Variants in PLEC observed in about 807,000 individuals in gnomAD.
PLEC encodes the protein hemidesmosomal protein 1.
In PLEC, 216 loss-of-function variants were observed where a neutral mutation model predicts 392.8. That is an observed-to-expected ratio of 0.55 (90% confidence interval 0.49 to 0.62). The LOEUF (loss-of-function observed/expected upper bound fraction) is 0.62. PLEC is among the 20% of genes least tolerant of loss of function. PLEC has a pLI of 0.00. For missense variants in PLEC, 6,863 were observed against 6,563.4 expected (o/e 1.05, Z -1.58); for synonymous variants, 3,621 against 2,980.6 (o/e 1.21, Z -7.00).
chr8:143,939,236 A>G, intron 1 of PLEC, 114 bp downstream of exon 1: 2 of 1,406,904 alleles, frequency 1.4e-6, no homozygotes, highest in South Asian at 2.5e-5. Flanking sequence ...CCCGACCCCC[A>G]TCTCCAAGAC....
In PLEC at chr8:143,946,395, C is replaced by G. The variant is rs147736777; in HGVS notation, c.523+3789G>C. 89 of 1,288,776 alleles carry G rather than the reference C, an allele frequency of 6.9e-5. No individual in the cohort carries two copies. In the African/African-American group the frequency reaches 1.3e-3, roughly 19 times the overall value. 79.8% of individuals were successfully genotyped at this position (1,288,776 alleles called of 1,614,324 possible). The stretch of plus-strand genomic sequence containing the variant: ...TCCTCCATGCTGTACCTGTCCATGG[C>G]TGCCACACAGGCCAGGCTGCTCCGA... On this transcript the variant is annotated intron_variant, in intron 1 of 31. Transcript: ENST00000322810.
At chr8:143,964,163 T>C (rs1483065981) in intron 1 of PLEC, among the ~76,000 whole-genome samples, 1 of 152,128 alleles carries the variant, frequency 6.6e-6, no homozygotes, top group Non-Finnish European at 1.5e-5. Flanking sequence ...CTTTGGGGCA[T>C]GTTGGCATAA....
Position 143,924,447 on chromosome 8 carries a change from G to A in PLEC, c.5482C>T (p.Arg1828Trp), listed in dbSNP as rs1475632975. Residue 1828 changes from arginine to tryptophan, a missense_variant, in exon 31 of 32, where the codon CGG (arginine) becomes TGG (tryptophan). Transcript: ENST00000345136. ...GCAAGCACCCGCTCCGCCTCGGCCCGCTGCCGCGCCGCGTCTTCCTCGGCC... is the reference window on the plus strand; with the variant it reads ...GCAAGCACCCGCTCCGCCTCGGCCCACTGCCGCGCCGCGTCTTCCTCGGCC... The part of the protein sequence containing the change: ...QLAEEDAARQ[R>W]AEAERVLAEK... 1.4e-5 allele frequency: 22 copies of A among 1,560,186 alleles called. No individual in the cohort carries two copies. The highest frequency in any genetic ancestry group is 1.7e-5 in the Non-Finnish European group (20 of 1,162,548).
In PLEC at chr8:143,920,755, A is replaced by G; in HGVS notation, c.9066T>C (p.Gly3022=). The G allele has an allele frequency of 1.2e-6, 2 of 1,605,388 alleles. No individual in the cohort carries two copies. Among genetic ancestry groups the G allele is most frequent in the Non-Finnish European group, 1.7e-6 (2 of 1,179,882 alleles). The change falls in exon 32 of 32, where the codon GGT becomes GGC. Residue 3022 remains glycine (G), a synonymous_variant. Transcript: ENST00000345136. The part of the protein sequence containing the change: ...EVDTVRRALR[G]ANVIAGVWLE... ...GCCATACACCCGCGATGACGTTGGCACCCCGGAGAGCCCGCCGCACAGTGT... is the reference window on the plus strand; with the variant it reads ...GCCATACACCCGCGATGACGTTGGCGCCCCGGAGAGCCCGCCGCACAGTGT...
Position 143,920,414 on chromosome 8 carries a change from G to A in PLEC, c.9407C>T (p.Ala3136Val). 6.3e-7 allele frequency: 1 copy of A among 1,594,486 alleles called. No homozygotes were observed. The highest frequency in any genetic ancestry group is 2.2e-5 in the East Asian group (1 of 44,632). ...CACGATGCCGCCCGTGGACAGCTGGGCGTCCAACAGGCGCAGGCCCTGCTC... is the reference window on the plus strand; with the variant it reads ...CACGATGCCGCCCGTGGACAGCTGGACGTCCAACAGGCGCAGGCCCTGCTC... ...PREQGLRLLDAQLSTGGIVDP... is the reference protein window; with the variant it reads ...PREQGLRLLDVQLSTGGIVDP... Residue 3136 changes from alanine to valine, a missense_variant, in exon 32 of 32, where the codon GCC becomes GTC. Physicochemically the swap from Ala to Val is moderately conservative, Grantham distance 64. Transcript: ENST00000345136.
chr8:143,950,348 T>C, exon 1 of PLEC: 6 of 1,582,544 alleles, frequency 3.8e-6, no homozygotes, highest in Non-Finnish European at 5.1e-6. Context: ...CAGGGGACCC[T>C]GCACAGCCTG....
chr8:143,927,666 T>C lies in PLEC; in HGVS notation c.3500A>G (p.His1167Arg). ...QEVGERLQQR[H>R]GERDVEVERW... ...CTCCACCTCCACGTCCCGCTCCCCG[T>C]GCCGCTGCTGCAGTCGCTCCCCCAC... Residue 1167 changes from histidine (H) to arginine (R), a missense_variant, in exon 27 of 32, where the codon CAC (histidine) becomes CGC (arginine). Coordinates refer to ENST00000345136, the MANE Select transcript of PLEC (RefSeq NM_201384.3). 1 of 1,581,194 alleles carries C rather than the reference T, an allele frequency of 6.3e-7. No individual in the cohort carries two copies. The highest frequency in any genetic ancestry group is 8.6e-7 in the Non-Finnish European group (1 of 1,164,322).
upstream of PLEC, among the ~76,000 whole-genome samples, chr8:143,951,695 T>C (rs1832163107): frequency 6.6e-6 from 1 of 152,026 alleles, no homozygotes; most frequent in African/African-American, 2.4e-5. Context: ...ACCGAGTCCC[T>C]ACCGCCCACA....
In PLEC at chr8:143,922,816, C is replaced by T. The variant is rs1225477598; in HGVS notation, c.7113G>A (p.Glu2371=). The change falls in exon 31 of 32, where the codon GAG becomes GAA. Residue 2371 remains glutamate (E), a synonymous_variant. Coordinates refer to ENST00000345136, the MANE Select transcript of PLEC (RefSeq NM_201384.3). The part of the protein sequence containing the change: ...TQGFQRTLEA[E]RQRQLEMSAE... ...CGCTCATCTCCAGCTGCCGCTGCCGCTCGGCCTCCAGCGTCCGCTGGAAGC... is the reference window on the plus strand; with the variant it reads ...CGCTCATCTCCAGCTGCCGCTGCCGTTCGGCCTCCAGCGTCCGCTGGAAGC... The T allele has an allele frequency of 3.2e-6, 5 of 1,586,768 alleles. No individual in the cohort carries two copies. The African/African-American group carries it at 5.4e-5, about 17-fold the overall frequency.
rs1384925466 is a variant in PLEC at position 143,915,383 on chromosome 8, C to G, written c.*794G>C. 6.6e-6 allele frequency: 1 copy of G among 152,636 alleles called. No individual in the cohort carries two copies. Among genetic ancestry groups the G allele is most frequent in the Non-Finnish European group, 1.5e-5 (1 of 68,348 alleles). The allele number at this position is 152,636 out of a possible 1,614,324, so 9.5% of individuals were successfully genotyped here. ...AGAGCCTGGCTGGTGTCCCTGGGCC[C>G]AAAGGGGGCTGGGGCTCCATGGGAG... On this transcript the variant is annotated 3_prime_UTR_variant, in exon 32 of 32. Transcript: ENST00000345136.
In PLEC at chr8:143,917,969, T is replaced by C; in HGVS notation, c.11852A>G (p.Gln3951Arg). ...GCGGATGATGCCCTTCTTCATGGCCTGGTACACCGAGAGCCGTTCCTTGGT... is the reference window on the plus strand; with the variant it reads ...GCGGATGATGCCCTTCTTCATGGCCCGGTACACCGAGAGCCGTTCCTTGGT... Reference protein sequence around the residue: ...DATKERLSVYQAMKKGIIRPG... With the variant: ...DATKERLSVYRAMKKGIIRPG... The change falls in exon 32 of 32, where the codon CAG becomes CGG. Residue 3951 changes from glutamine (Q) to arginine (R), a missense_variant. Transcript: ENST00000345136. 1.2e-6 allele frequency: 2 copies of C among 1,612,822 alleles called. No individual in the cohort carries two copies. The highest frequency in any genetic ancestry group is 1.6e-4 in the Middle Eastern group (1 of 6,062).
chr8:143,976,148 C>T (rs1833653866), upstream of PLEC, among the ~76,000 whole-genome samples: 4 of 152,328 alleles, frequency 2.6e-5, no homozygotes, highest in South Asian at 8.3e-4. Context: ...GCAGCGAGGC[C>T]GGGAGGGAGC....
In PLEC at chr8:143,936,029, G is replaced by A; in HGVS notation, c.436-15C>T. 1 of 1,610,346 alleles carries A rather than the reference G, an allele frequency of 6.2e-7. No homozygotes were observed. Among genetic ancestry groups the A allele is most frequent in the Non-Finnish European group, 8.5e-7 (1 of 1,179,844 alleles). Reference sequence around the variant, plus strand: ...ATATCTGAGATCTGCTCACAGCAGAGAGGAGGCCACAGCTCAGCCACAGCC... The same window carrying A: ...ATATCTGAGATCTGCTCACAGCAGAAAGGAGGCCACAGCTCAGCCACAGCC... On this transcript the variant is annotated splice_polypyrimidine_tract_variant and intron_variant, in intron 5 of 31. Transcript: ENST00000345136.
chr8:143,932,441 C>G lies in PLEC; in HGVS notation c.1936G>C (p.Asp646His), dbSNP rs371273735. 3 of 1,612,820 alleles carry G rather than the reference C, an allele frequency of 1.9e-6. No individual in the cohort carries two copies. The highest frequency in any genetic ancestry group is 1.7e-5 in the Admixed American group (1 of 60,026). The change falls in exon 16 of 32, where the codon GAC (aspartate) becomes CAC (histidine). Residue 646 changes from aspartate to histidine, a missense_variant. Transcript: ENST00000345136. ...TTGGCGGTCATGTTGGTGTTGCGGT[C>G]GCTCCAGTCGAAGCCCACCTCCTCC... ...EEEEVGFDWS[D>H]RNTNMTAKKE...
chr8:143,921,546 C>A lies in PLEC; in HGVS notation c.8275G>T (p.Val2759Leu), dbSNP rs1554686172. 1 of 1,612,586 alleles carries A rather than the reference C, an allele frequency of 6.2e-7. No homozygotes were observed. Among genetic ancestry groups the A allele is most frequent in the East Asian group, 2.2e-5 (1 of 44,886 alleles). The change falls in exon 32 of 32, where the codon GTG (valine) becomes TTG (leucine). Residue 2759 changes from valine to leucine, a missense_variant. Transcript: ENST00000345136. ...TVNEAVKEGVVGPELHHKLLS... is the reference protein window; with the variant it reads ...TVNEAVKEGVLGPELHHKLLS... ...AGCTTGTGGTGCAGCTCGGGGCCCA[C>A]CACACCCTCCTTCACAGCCTCGTTG... is the stretch of plus-strand genomic sequence containing the variant.
intron 22 of PLEC, 30 bp downstream of exon 22, chr8:143,929,906 A>C (rs782613035): frequency 6.2e-7 from 1 of 1,605,896 alleles, no homozygotes; most frequent in Non-Finnish European, 8.5e-7. Context: ...CCTCCCACCC[A>C]GAGAGCCCCC....
rs73377208 is a variant in PLEC at position 143,928,227 on chromosome 8, C to T, written c.3261-235G>A. 0.01 allele frequency among the ~76,000 whole-genome samples: 1,569 copies of T among 152,338 alleles called. 35 individuals are homozygous for T. Among genetic ancestry groups the T allele is most frequent in the African/African-American group, 0.035 (1,469 of 41,574 alleles). On this transcript the variant is annotated intron_variant, in intron 25 of 31. Transcript: ENST00000345136. ...CAGGACCCAGCCTGGAGAGGGGGTG[C>T]GCCAGCCAGGAACGGCAGACCCCAA...
upstream of PLEC, chr8:143,973,565 C>CCCCCG (rs1485443959): frequency 2.0e-5 from 20 of 1,014,262 alleles, no homozygotes; most frequent in East Asian, 8.2e-5. This position sits in a 1 kb window ranked among gnomAD's most constrained non-coding sequence, Gnocchi z 5.6. Flanking sequence ...AAAGAGGCCG[C>CCCCCG]CCCCGCCCCG....
chr8:143,924,135 C>T lies in PLEC; in HGVS notation c.5794G>A (p.Ala1932Thr), dbSNP rs1554695941. Reference protein sequence around the residue: ...QVEEEILALKASFEKAAAGKA... With the variant: ...QVEEEILALKTSFEKAAAGKA... The stretch of plus-strand genomic sequence containing the variant: ...CCAGCGGCCGCCTTCTCGAAGCTCG[C>T]CTTCAGCGCCAGGATCTCCTCCTCC... The change falls in exon 31 of 32, where the codon GCG becomes ACG. Residue 1932 changes from alanine to threonine, a missense_variant. Ala to Thr is a moderately conservative substitution (Grantham distance 58). Coordinates refer to ENST00000345136, the MANE Select transcript of PLEC (RefSeq NM_201384.3). 6.3e-7 allele frequency: 1 copy of T among 1,598,934 alleles called. No individual in the cohort carries two copies. Among genetic ancestry groups the T allele is most frequent in the Non-Finnish European group, 8.5e-7 (1 of 1,179,494 alleles).
Sources: allele counts gnomAD v4.1 joint callset (sites outside exome capture counted in the v4.1 genomes callset), GRCh38; gene constraint gnomAD v4.1.1; non-coding constraint Gnocchi (gnomAD v3.1); transcripts MANE v1.5; gene names NCBI Gene and HGNC (gene_info 2026-07-23, HGNC 2026-07-21).